The following FBXL17 variants were observed in gnomAD, a reference collection of about 807,000 sequenced individuals.
The protein encoded by FBXL17 is F-box/LRR-repeat protein 17.
Under a neutral mutation model 66.2 loss-of-function variants are expected in FBXL17, and 22 were observed. The observed-to-expected ratio is 0.33, with a 90% CI of 0.24 to 0.47. The LOEUF (loss-of-function observed/expected upper bound fraction) is 0.47, where lower values mean the gene tolerates loss of function less well. FBXL17 is among the 20% of genes least tolerant of loss of function. The probability of loss-of-function intolerance (pLI) is 1.00; values close to 1 mark genes in which losing one functional copy is unlikely to be tolerated. For missense variants in FBXL17, 878 were observed against 948.2 expected (o/e 0.93, Z 0.97); for synonymous variants, 474 against 400.5 (o/e 1.18, Z -2.19).
chr5:108,175,997 CAAT>C (rs766087039), intron 6 of FBXL17, among the ~76,000 whole-genome samples: 4 of 152,098 alleles, frequency 2.6e-5, no homozygotes, highest in Non-Finnish European at 4.4e-5. Context: ...ATTTTGACAA[CAAT>C]GAGTTATTTT....
In FBXL17 at chr5:108,008,356, T is replaced by C. The variant is rs557424613; in HGVS notation, c.1822+12569A>G. ...TTATAATGGCAAAGTTGAAAACGAATGCTTTAGAGGATTTCAACCAATTTC... is the reference window on the plus strand; with the variant it reads ...TTATAATGGCAAAGTTGAAAACGAACGCTTTAGAGGATTTCAACCAATTTC... On this transcript the variant is annotated intron_variant, in intron 7 of 8. Coordinates refer to ENST00000542267, the MANE Select transcript of FBXL17 (RefSeq NM_001163315.3). Among the ~76,000 whole-genome samples, 34 of 152,324 alleles carry C rather than the reference T, an allele frequency of 2.2e-4. No individual in the cohort carries two copies. The South Asian group carries it at 7.0e-3, about 32-fold the overall frequency.
intron 7 of FBXL17, among the ~76,000 whole-genome samples, chr5:108,011,496 C>G (rs1754167821): frequency 6.6e-6 from 1 of 152,062 alleles, no homozygotes; most frequent in Admixed American, 6.6e-5. Flanking sequence ...CTTGGAGAGG[C>G]TCTCTCAGGA....
intron 8 of FBXL17, among the ~76,000 whole-genome samples, chr5:107,875,616 T>G (rs1046565216): frequency 6.6e-6 from 1 of 152,220 alleles, no homozygotes; most frequent in Non-Finnish European, 1.5e-5. Context: ...TGGCTTCTTA[T>G]GGATTTGATT....
At chr5:108,332,743 G>C (rs1251047964) in intron 4 of FBXL17, among the ~76,000 whole-genome samples, 1 of 151,910 alleles carries the variant, frequency 6.6e-6, no homozygotes, top group Non-Finnish European at 1.5e-5. Flanking sequence ...AAGTAGCTGG[G>C]ATTATGGTTG....
chr5:108,154,606 A>T (rs71586584), intron 6 of FBXL17, among the ~76,000 whole-genome samples: 27,891 of 95,980 alleles, frequency 0.29, 4,765 homozygotes, highest in East Asian at 0.36. Flanking sequence ...AAAAAAAAAA[A>T]ATATATATAT....
chr5:108,078,376 TTTA>T lies in FBXL17; in HGVS notation c.1746-57378_1746-57376del, dbSNP rs1748634341. On this transcript the variant is annotated intron_variant, in intron 6 of 8. Transcript: ENST00000542267. Reference sequence around the variant, plus strand: ...AGCTTGGTTGTCATATGTGAAACTTTTTAAAGTTTCAAAGTGGGAACTGAAAGA... The same window carrying T: ...AGCTTGGTTGTCATATGTGAAACTTTAAGTTTCAAAGTGGGAACTGAAAGA... Among the ~76,000 whole-genome samples the T allele has an allele frequency of 2.0e-5, 3 of 152,224 alleles. No homozygotes were observed. The South Asian group carries it at 6.2e-4, about 32-fold the overall frequency.
chr5:108,008,588 G>T (rs1422147), intron 7 of FBXL17, among the ~76,000 whole-genome samples: 15,298 of 152,196 alleles, frequency 0.1, 854 homozygotes, highest in East Asian at 0.16. Flanking sequence ...TAATATAAAT[G>T]TGTGTAATAA....
chr5:108,267,433 G>A (rs1757088926), intron 4 of FBXL17, among the ~76,000 whole-genome samples: 6 of 151,938 alleles, frequency 3.9e-5, no homozygotes. Context: ...TCTTAATTAT[G>A]TAAATCATCA....
chr5:108,063,767 T>C, intron 6 of FBXL17, among the ~76,000 whole-genome samples: 1 of 152,302 alleles, frequency 6.6e-6, no homozygotes, highest in Non-Finnish European at 1.5e-5. Context: ...CTTTTATTTT[T>C]AAAATGATAT....
intron 7 of FBXL17, among the ~76,000 whole-genome samples, chr5:107,990,711 T>C (rs1417300840): frequency 6.6e-6 from 1 of 152,178 alleles, no homozygotes; most frequent in African/African-American, 2.4e-5. Context: ...TTATTTAATA[T>C]AAGAAATAAT....
chr5:108,203,285 C>T (rs1255014876), intron 5 of FBXL17, among the ~76,000 whole-genome samples: 2 of 151,946 alleles, frequency 1.3e-5, no homozygotes, highest in Admixed American at 1.3e-4. Context: ...CCTTCTTTTA[C>T]AGATGAGGAA....
At chr5:108,345,656 C>T (rs1252350445) in intron 4 of FBXL17, among the ~76,000 whole-genome samples, 1 of 151,204 alleles carries the variant, frequency 6.6e-6, no homozygotes, top group African/African-American at 2.4e-5. Flanking sequence ...AAATAAACCA[C>T]AACATCAGCA....
intron 4 of FBXL17, among the ~76,000 whole-genome samples, chr5:108,265,244 C>T (rs1408640657): frequency 3.3e-5 from 5 of 151,928 alleles, no homozygotes; most frequent in African/African-American, 7.2e-5. Flanking sequence ...TCTACCTAAT[C>T]GGATAGAACT....
chr5:107,964,617 A>G (rs1423641193), intron 7 of FBXL17, among the ~76,000 whole-genome samples: 1 of 152,104 alleles, frequency 6.6e-6, no homozygotes, highest in Non-Finnish European at 1.5e-5. Flanking sequence ...GTACACAGTT[A>G]AGACTTTATA....
At chr5:108,250,128 A>T (rs1432431357) in intron 4 of FBXL17, among the ~76,000 whole-genome samples, 1 of 152,156 alleles carries the variant, frequency 6.6e-6, no homozygotes, top group Admixed American at 6.5e-5. Context: ...TGGCACTGCA[A>T]CTGCTACCAA....
intron 5 of FBXL17, 44 bp downstream of exon 5, chr5:108,224,077 T>C (rs1446512366): frequency 2.0e-6 from 2 of 1,004,878 alleles, no homozygotes; most frequent in Non-Finnish European, 3.1e-6. Context: ...TCATCACCTG[T>C]ATGATACTCA....
chr5:108,064,096 A>G (rs946448034), intron 6 of FBXL17, among the ~76,000 whole-genome samples: 1 of 152,184 alleles, frequency 6.6e-6, no homozygotes, highest in Non-Finnish European at 1.5e-5. Flanking sequence ...AATTATGAAT[A>G]TAACTTTCAC....
chr5:108,331,123 AT>A (rs2150237400), intron 4 of FBXL17, among the ~76,000 whole-genome samples: 1 of 152,334 alleles, frequency 6.6e-6, no homozygotes, highest in East Asian at 1.9e-4. Context: ...AAAGGAAAAA[AT>A]CTATTGTTGT....
intron 6 of FBXL17, among the ~76,000 whole-genome samples, chr5:108,040,380 T>C (rs1747000354): frequency 6.6e-6 from 1 of 152,182 alleles, no homozygotes; most frequent in African/African-American, 2.4e-5. Flanking sequence ...TTAATGTATA[T>C]ACTTCTAGAC....
Sources: gnomAD v4.1 joint callset for allele counts (sites outside exome capture counted in the v4.1 genomes callset) on GRCh38, gnomAD v4.1.1 for gene constraint, MANE v1.5 for transcripts, NCBI Gene and HGNC (gene_info 2026-07-23, HGNC 2026-07-21) for gene names.